Variants in AGPAT2 observed in about 807,000 individuals in gnomAD.
The protein encoded by AGPAT2 is 1-acylglycerol-3-phosphate O-acyltransferase 2.
Under a neutral mutation model 26.1 loss-of-function variants are expected in AGPAT2, and 18 were observed. The observed-to-expected ratio is 0.69, with a 90% CI of 0.48 to 1.02. The LOEUF (loss-of-function observed/expected upper bound fraction) is 1.02. Ranked by LOEUF, AGPAT2 falls within the 50% of genes least tolerant of loss-of-function variation. AGPAT2 has a pLI of 0.00. For synonymous variants in AGPAT2, 200 were observed against 174.2 expected (o/e 1.15, Z -1.16); for missense variants, 415 against 394.9 (o/e 1.05, Z -0.43).
chr9:136,673,518 G>C lies in AGPAT2; in HGVS notation c.*234C>G. 1 of 421,826 alleles carries C rather than the reference G, an allele frequency of 2.4e-6. No homozygotes were observed. Among genetic ancestry groups the C allele is most frequent in the South Asian group, 6.5e-5 (1 of 15,384 alleles). 26.1% of individuals were successfully genotyped at this position (421,826 alleles called of 1,614,324 possible). A position where few individuals can be genotyped will look rare whatever the true frequency, so the allele number is the denominator to read the frequency against. On this transcript the variant is annotated 3_prime_UTR_variant, in exon 6 of 6. Coordinates refer to ENST00000371696, the MANE Select transcript of AGPAT2 (RefSeq NM_006412.4). Reference sequence around the variant, plus strand: ...ATCCCAGCTCCCAGAGGTGCCGTGGGCGCGAGTCCCTGCCCTCGAGCCCGG... The same window carrying C: ...ATCCCAGCTCCCAGAGGTGCCGTGGCCGCGAGTCCCTGCCCTCGAGCCCGG...
chr9:136,677,678 G>A, intron 1 of AGPAT2, 122 bp from the exon 2 acceptor site: 1 of 1,218,768 alleles, frequency 8.2e-7, no homozygotes, highest in Non-Finnish European at 1.2e-6. Flanking sequence ...CGGGGCAGGA[G>A]ACCGGGAGAC....
intron 1 of AGPAT2, among the ~76,000 whole-genome samples, chr9:136,686,873 C>T (rs1045071332): frequency 1.3e-5 from 2 of 152,368 alleles, no homozygotes; most frequent in Admixed American, 1.3e-4. Context: ...GCTGCTCCAC[C>T]CCCGGAACCC....
In AGPAT2 at chr9:136,677,470, C is replaced by G. The variant is rs142176861; in HGVS notation, c.269G>C (p.Arg90Pro). 4.8e-5 allele frequency: 77 copies of G among 1,612,990 alleles called. No homozygotes were observed. Among genetic ancestry groups the G allele is most frequent in the Non-Finnish European group, 6.2e-5 (73 of 1,179,968 alleles). Reference sequence around the variant, plus strand: ...GTGGTTGGAGACGATGACACAGGGACGGGCCTCCTGCAGCCTGCGCGGGTC... The same window carrying G: ...GTGGTTGGAGACGATGACACAGGGAGGGGCCTCCTGCAGCCTGCGCGGGTC... ...VRDPRRLQEA[R>P]PCVIVSNHQS... The change falls in exon 2 of 6, where the codon CGT (arginine) becomes CCT (proline). Residue 90 changes from arginine (R) to proline (P), a missense_variant. Physicochemically the swap from Arg to Pro is moderately radical, Grantham distance 103 (BLOSUM62 -2). Transcript: ENST00000371696.
chr9:136,673,823 A>G lies in AGPAT2; in HGVS notation c.766T>C (p.Phe256Leu), dbSNP rs1320609779. The change falls in exon 6 of 6, where the codon TTC becomes CTC. Residue 256 changes from phenylalanine (F) to leucine (L), a missense_variant. Transcript: ENST00000371696. Reference protein sequence around the residue: ...DTCHRAMRTTFLHISKTPQEN... With the variant: ...DTCHRAMRTTLLHISKTPQEN... ...TGGGGGGTCTTGGAGATGTGGAGGA[A>G]GGTGGTCCTCATGGCCCGGTGGCAG... 1 of 1,606,968 alleles carries G rather than the reference A, an allele frequency of 6.2e-7. No homozygotes were observed. Among genetic ancestry groups the G allele is most frequent in the African/African-American group, 1.3e-5 (1 of 74,922 alleles).
intron 1 of AGPAT2, among the ~76,000 whole-genome samples, chr9:136,684,543 G>A (rs192732182): frequency 5.8e-4 from 88 of 151,188 alleles, no homozygotes; most frequent in Admixed American, 3.7e-3. Flanking sequence ...CTTGGGTGCC[G>A]CCTGGAACCC....
Position 136,673,618 on chromosome 9 carries a change from G to A in AGPAT2, c.*134C>T. ...AGGCCAGTGACAGAAGGGGCTTCCTGCTTCCCGGGCTGAGTGAGAGCTGGG... is the reference window on the plus strand; with the variant it reads ...AGGCCAGTGACAGAAGGGGCTTCCTACTTCCCGGGCTGAGTGAGAGCTGGG... On this transcript the variant is annotated 3_prime_UTR_variant, in exon 6 of 6. Transcript: ENST00000371696. 9.6e-7 allele frequency: 1 copy of A among 1,043,792 alleles called. No homozygotes were observed. The highest frequency in any genetic ancestry group is 1.9e-5 in the South Asian group (1 of 51,726). The allele number at this position is 1,043,792 out of a possible 1,614,324, so 64.7% of individuals were successfully genotyped here.
chr9:136,680,811 T>C (rs950309783), intron 1 of AGPAT2, among the ~76,000 whole-genome samples: 37 of 151,878 alleles, frequency 2.4e-4, no homozygotes, highest in African/African-American at 8.0e-4. Flanking sequence ...GGACTACTGG[T>C]GTGCGCCACC....
At chr9:136,679,051 G>A (rs569196812) in intron 1 of AGPAT2, among the ~76,000 whole-genome samples, 1 of 152,254 alleles carries the variant, frequency 6.6e-6, no homozygotes, top group African/African-American at 2.4e-5. Context: ...AACTCGCCCG[G>A]CCTTTAAAAA....
chr9:136,687,289 C>A lies in AGPAT2; in HGVS notation c.69G>T (p.Ala23=). 2 of 1,584,240 alleles carry A rather than the reference C, an allele frequency of 1.3e-6. No individual in the cohort carries two copies. Among genetic ancestry groups the A allele is most frequent in the East Asian group, 2.4e-5 (1 of 41,188 alleles). ...LLLLLVQLSR[A]AEFYAKVALY... ...GGGCGACCTTGGCGTAGAACTCGGCCGCGCGGCTCAGCTGCACCAGCAGCA... is the reference window on the plus strand; with the variant it reads ...GGGCGACCTTGGCGTAGAACTCGGCAGCGCGGCTCAGCTGCACCAGCAGCA... Residue 23 remains alanine, a synonymous_variant, in exon 1 of 6, where the codon GCG becomes GCT. Coordinates refer to ENST00000371696, the MANE Select transcript of AGPAT2 (RefSeq NM_006412.4).
rs1300005377 is a variant in AGPAT2 at position 136,673,495 on chromosome 9, C to T, written c.*257G>A. On this transcript the variant is annotated 3_prime_UTR_variant, in exon 6 of 6. Transcript: ENST00000371696. ...CAGCCGCAAGCCTCATCTTTATCAT[C>T]CCAGCTCCCAGAGGTGCCGTGGGCG... 1.3e-5 allele frequency: 5 copies of T among 389,436 alleles called. No homozygotes were observed. The East Asian group carries it at 1.6e-4, about 12-fold the overall frequency. 24.1% of individuals were successfully genotyped at this position (389,436 alleles called of 1,614,324 possible).
intron 1 of AGPAT2, 50 bp from the exon 2 acceptor site, chr9:136,677,606 G>C (rs763441668): frequency 6.2e-7 from 1 of 1,610,986 alleles, no homozygotes; most frequent in Non-Finnish European, 8.5e-7. Flanking sequence ...CCGCAGCCGA[G>C]GCTGGGGCGC....
At chr9:136,677,215 C>T in intron 2 of AGPAT2, 79 bp from the exon 3 acceptor site, 1 of 1,560,948 alleles carries the variant, frequency 6.4e-7, no homozygotes, top group Non-Finnish European at 8.8e-7. Context: ...CACCCACAGG[C>T]CTGCCTGGCA....
intron 1 of AGPAT2, among the ~76,000 whole-genome samples, chr9:136,684,924 G>A (rs1289243127): frequency 6.6e-6 from 1 of 152,214 alleles, no homozygotes; most frequent in Non-Finnish European, 1.5e-5. Context: ...CTTCCCTGGA[G>A]TGACAAAGCG....
chr9:136,676,910 C>T (rs768894376), intron 3 of AGPAT2, 51 bp downstream of exon 3: 1 of 1,416,292 alleles, frequency 7.1e-7, no homozygotes, highest in Non-Finnish European at 9.9e-7. Context: ...CCCTGCCTGG[C>T]CCCGCCCAGG....
chr9:136,681,460 A>G (rs999262624), intron 1 of AGPAT2, among the ~76,000 whole-genome samples: 1 of 152,262 alleles, frequency 6.6e-6, no homozygotes, highest in East Asian at 1.9e-4. Flanking sequence ...TGTCCCGTAC[A>G]TAGTTCAGAG....
At chr9:136,677,168 A>G (rs748820654) in intron 2 of AGPAT2, 32 bp from the exon 3 acceptor site, 8 of 1,610,224 alleles carry the variant, frequency 5.0e-6, no homozygotes, top group Non-Finnish European at 5.9e-6. Context: ...ACAGAGAGAG[A>G]GGGGGAGACA....
chr9:136,681,550 C>G lies in AGPAT2; in HGVS notation c.183-3994G>C, dbSNP rs138648716. Among the ~76,000 whole-genome samples, 1,083 of 152,332 alleles carry G rather than the reference C, an allele frequency of 7.1e-3. 10 individuals are homozygous for G. Among genetic ancestry groups the G allele is most frequent in the African/African-American group, 0.024 (989 of 41,570 alleles). On this transcript the variant is annotated intron_variant, in intron 1 of 5. Coordinates refer to ENST00000371696, the MANE Select transcript of AGPAT2 (RefSeq NM_006412.4). ...GGGCGGGTGGCTCACGCCTGTAATCCCAGGACTTTGGGAGGCCAAGGCGGG... is the reference window on the plus strand; with the variant it reads ...GGGCGGGTGGCTCACGCCTGTAATCGCAGGACTTTGGGAGGCCAAGGCGGG...
At chr9:136,675,015 T>A (rs150064917) in intron 4 of AGPAT2, among the ~76,000 whole-genome samples, 30 of 152,248 alleles carry the variant, frequency 2.0e-4, no homozygotes, top group Middle Eastern at 3.4e-3. Context: ...ATCCTGCAAA[T>A]TTTTACTCAT....
In AGPAT2 at chr9:136,683,232, A is replaced by G. The variant is rs189118693; in HGVS notation, c.182+3944T>C. Among the ~76,000 whole-genome samples the G allele has an allele frequency of 9.2e-3, 1,395 of 152,226 alleles. 27 individuals carry two copies. Among genetic ancestry groups the G allele is most frequent in the African/African-American group, 0.031 (1,269 of 41,536 alleles). On this transcript the variant is annotated intron_variant, in intron 1 of 5. Coordinates refer to ENST00000371696, the MANE Select transcript of AGPAT2 (RefSeq NM_006412.4). Reference sequence around the variant, plus strand: ...GACCTTGTCTCAAAAAATAAAAAAAAAAGTCCAAAGTAAATCGAAGCAAAA... The same window carrying G: ...GACCTTGTCTCAAAAAATAAAAAAAGAAGTCCAAAGTAAATCGAAGCAAAA...
Sources: gnomAD v4.1 joint callset for allele counts (sites outside exome capture counted in the v4.1 genomes callset) on GRCh38, gnomAD v4.1.1 for gene constraint, MANE v1.5 for transcripts, NCBI Gene and HGNC (gene_info 2026-07-23, HGNC 2026-07-21) for gene names.